Variants in GRXCR2 observed in about 807,000 individuals in gnomAD.
GRXCR2 encodes glutaredoxin domain-containing cysteine-rich protein 2.
In GRXCR2, 23 loss-of-function variants were observed where a neutral mutation model predicts 24.8. That is an observed-to-expected ratio of 0.93 (90% CI 0.67 to 1.32). The LOEUF (loss-of-function observed/expected upper bound fraction) is 1.32, where lower values mean the gene tolerates loss of function less well. Among genes scored for constraint, GRXCR2 ranks in the 40% most tolerant of loss-of-function variants. The pLI, the probability that GRXCR2 is intolerant of heterozygous loss-of-function variation, is 0.00. For missense variants in GRXCR2, 315 were observed against 303.4 expected, an observed-to-expected ratio of 1.04 and a Z score of -0.28; for synonymous variants, 130 against 116.1, an observed-to-expected ratio of 1.12 and a Z score of -0.77.
chr5:145,889,172 AAAAGAAAG>A (rs557521873), intron 2 of GRXCR2, among the ~76,000 whole-genome samples: 3,961 of 83,896 alleles, frequency 0.047, 102 homozygotes, highest in African/African-American at 0.063. Context: ...CTGTCTCAAA[AAAAGAAAG>A]AAAGAAAGAA....
chr5:145,917,520 G>A (rs1476826022), intron 2 of GRXCR2, among the ~76,000 whole-genome samples: 1 of 152,132 alleles, frequency 6.6e-6, no homozygotes, highest in African/African-American at 2.4e-5. Flanking sequence ...GCCAGGTCCT[G>A]TGCTCAGTGC....
At chr5:145,892,002 T>G (rs1445108572) in intron 2 of GRXCR2, among the ~76,000 whole-genome samples, 1 of 152,140 alleles carries the variant, frequency 6.6e-6, no homozygotes, top group Non-Finnish European at 1.5e-5. Context: ...CAGCCTCCAC[T>G]GCTGATACCC....
chr5:145,901,953 T>A (rs1463736988), intron 2 of GRXCR2, among the ~76,000 whole-genome samples: 1 of 152,128 alleles, frequency 6.6e-6, no homozygotes, highest in African/African-American at 2.4e-5. Flanking sequence ...AAACATATTT[T>A]GCAGGTAGTC....
intron 2 of GRXCR2, among the ~76,000 whole-genome samples, chr5:145,878,947 C>T (rs988071491): frequency 2.6e-5 from 4 of 152,130 alleles, no homozygotes; most frequent in African/African-American, 9.7e-5. Context: ...CCAAACTAAG[C>T]TTCAAAAGTG....
At chr5:145,906,246 G>A (rs547081921) in intron 2 of GRXCR2, among the ~76,000 whole-genome samples, 2 of 152,108 alleles carry the variant, frequency 1.3e-5, no homozygotes, top group South Asian at 2.1e-4. Context: ...CTGGCCAAGG[G>A]GAGTATTTCA....
At chr5:145,883,468 T>C (rs1302082190) in intron 2 of GRXCR2, among the ~76,000 whole-genome samples, 1 of 152,212 alleles carries the variant, frequency 6.6e-6, no homozygotes, top group Admixed American at 6.5e-5. Context: ...TCATGTAATT[T>C]TATTGTAAAA....
chr5:145,900,688 G>A lies in GRXCR2; in HGVS notation c.-69-33960C>T, dbSNP rs182985671. 2.6e-5 allele frequency among the ~76,000 whole-genome samples: 4 copies of A among 152,336 alleles called. No homozygotes were observed. The East Asian group carries it at 7.7e-4, about 29-fold the overall frequency. The stretch of plus-strand genomic sequence containing the variant: ...AAAAGGGAATGCTTATACACTGTTG[G>A]TGGGAATGTAAATGAGTTCAGCCAC... On this transcript the variant is annotated intron_variant, in intron 2 of 3. Coordinates refer to the GRXCR2 transcript ENST00000639411.
Position 145,887,396 on chromosome 5 carries a change from C to G in GRXCR2, c.-69-20668G>C, listed in dbSNP as rs340039. On this transcript the variant is annotated intron_variant, in intron 2 of 3. Transcript: ENST00000639411. Reference sequence around the variant, plus strand: ...TACTTGTCGCTACCCTATTAGACAGCTAGTCAAAGGTTCTTGATGAGGCCA... The same window carrying G: ...TACTTGTCGCTACCCTATTAGACAGGTAGTCAAAGGTTCTTGATGAGGCCA... 6.3e-3 allele frequency among the ~76,000 whole-genome samples: 961 copies of G among 152,342 alleles called. 9 individuals carry two copies. Among genetic ancestry groups the G allele is most frequent in the African/African-American group, 0.022 (910 of 41,578 alleles).
chr5:145,901,341 A>AAT (rs1166881864), intron 2 of GRXCR2, among the ~76,000 whole-genome samples: 4 of 152,106 alleles, frequency 2.6e-5, no homozygotes, highest in East Asian at 1.9e-4. Flanking sequence ...TTTCCATGTT[A>AAT]ATATATATAG....
At chr5:145,922,523 C>G (rs984331927) in intron 2 of GRXCR2, among the ~76,000 whole-genome samples, 4 of 152,192 alleles carry the variant, frequency 2.6e-5, no homozygotes, top group African/African-American at 9.6e-5. Context: ...TGTCATCAGG[C>G]TTAGCACAAT....
intron 2 of GRXCR2, among the ~76,000 whole-genome samples, chr5:145,910,350 C>T (rs1233357848): frequency 1.3e-5 from 2 of 152,078 alleles, no homozygotes; most frequent in Non-Finnish European, 2.9e-5. Flanking sequence ...CTGACCTTTG[C>T]GAATCTGCAT....
chr5:145,920,379 G>A (rs1449868692), intron 2 of GRXCR2, among the ~76,000 whole-genome samples: 1 of 152,190 alleles, frequency 6.6e-6, no homozygotes, highest in Non-Finnish European at 1.5e-5. Context: ...CAGACCTTCA[G>A]GTGATTCTGA....
chr5:145,910,815 G>C (rs899089743), intron 2 of GRXCR2, among the ~76,000 whole-genome samples: 2 of 150,152 alleles, frequency 1.3e-5, no homozygotes, highest in Non-Finnish European at 3.0e-5. Flanking sequence ...TCAAAGGGTA[G>C]ATAAGAAGGG....
At chr5:145,902,035 T>C (rs532064240) in intron 2 of GRXCR2, among the ~76,000 whole-genome samples, 53 of 152,318 alleles carry the variant, frequency 3.5e-4, no homozygotes, top group Non-Finnish European at 6.2e-4. Context: ...CGGAGGTTTT[T>C]GTCCTAACAG....
At chr5:145,858,011 T>C (rs1012162253), downstream of GRXCR2, among the ~76,000 whole-genome samples, 14 of 152,132 alleles carry the variant, frequency 9.2e-5, no homozygotes, top group Non-Finnish European at 1.5e-5. Flanking sequence ...GACGGAATAT[T>C]CCTGTCGAAA....
intron 2 of GRXCR2, among the ~76,000 whole-genome samples, chr5:145,914,675 CAAAAAAAAA>C (rs34955541): frequency 1.1e-4 from 6 of 55,226 alleles, no homozygotes; most frequent in East Asian, 1.3e-3. Context: ...GACTCCATCT[CAAAAAAAAA>C]AAAAAAAAAA....
chr5:145,880,536 A>C (rs1307002187), intron 2 of GRXCR2, among the ~76,000 whole-genome samples: 3 of 152,174 alleles, frequency 2.0e-5, no homozygotes, highest in Admixed American at 1.3e-4. Context: ...TTGAGGCAAT[A>C]ATTAATAGCC....
At position 145,866,525 on chromosome 5, in the gene GRXCR2, T is replaced by A. The variant is rs149954479; in HGVS notation, c.540A>T (p.Thr180=). Residue 180 remains threonine (T), a synonymous_variant, in exon 2 of 3, where the codon ACA becomes ACT. Coordinates refer to ENST00000377976, the MANE Select transcript of GRXCR2 (RefSeq NM_001080516.2). Reference sequence around the variant, plus strand: ...CCTGTGTATACCGGTTTTGGGGTAATGTGCTTTCTGCCTCCACCAAAGGTC... The same window carrying A: ...CCTGTGTATACCGGTTTTGGGGTAAAGTGCTTTCTGCCTCCACCAAAGGTC... ...HDRPLVEAES[T]LPQNRYTQEG... is the part of the protein sequence containing the mutation. 229 of 1,613,938 alleles carry A rather than the reference T, an allele frequency of 1.4e-4. No homozygotes were observed. Among genetic ancestry groups the A allele is most frequent in the South Asian group, 4.0e-4 (36 of 91,086 alleles).
At chr5:145,891,097 G>A (rs895953911) in intron 2 of GRXCR2, among the ~76,000 whole-genome samples, 5 of 152,146 alleles carry the variant, frequency 3.3e-5, no homozygotes, top group African/African-American at 1.2e-4. Flanking sequence ...CCCAACATTA[G>A]AGCACCCAGA....
Sources: allele counts gnomAD v4.1 joint callset (sites outside exome capture counted in the v4.1 genomes callset), GRCh38; gene constraint gnomAD v4.1.1; transcripts MANE v1.5; gene names NCBI Gene and HGNC (gene_info 2026-07-23, HGNC 2026-07-21).